PUDP: variants seen among roughly 807,000 people sequenced by gnomAD.
PUDP encodes the protein pseudouridine 5'-phosphatase, also known as pseudouridine-5'-phosphatase.
PUDP carries 8 observed loss-of-function variants against 9.4 expected under a neutral mutation model. That is an observed-to-expected ratio of 0.85 (90% CI 0.50 to 1.53). PUDP has a LOEUF of 1.53. PUDP is among the 40% of genes most tolerant of loss of function. The pLI is 0.00. For missense variants in PUDP, 188 were observed against 189.7 expected (o/e 0.99, Z 0.05); for synonymous variants, 99 against 80.7 (o/e 1.23, Z -1.22).
At chrX:7,145,803 A>G (rs1602849915) in intron 1 of PUDP, among the ~76,000 whole-genome samples, 1 of 111,748 alleles carries the variant, frequency 8.9e-6, no homozygotes, top group East Asian at 2.8e-4. Context: ...CAAGTATGCA[A>G]GTATTGGGGC....
intron 1 of PUDP, among the ~76,000 whole-genome samples, chrX:7,028,614 C>A (rs1289130349): frequency 9.0e-6 from 1 of 111,434 alleles, no homozygotes; most frequent in East Asian, 2.8e-4. Context: ...GCAACAGAGG[C>A]ATTAATGCAG....
rs1925310642 is a variant in PUDP, at chrX:6,768,281, C to T, written c.*248-61815G>A. 2.7e-5 allele frequency among the ~76,000 whole-genome samples: 3 copies of T among 111,359 alleles called. No individual in the cohort carries two copies. In the Admixed American group the frequency reaches 2.9e-4, roughly 11 times the overall value. ...ATGCTGCTGAATATCCTACAGTGCACGAGACAGCCCTAGACAACAAGGATT... is the reference window on the plus strand; with the variant it reads ...ATGCTGCTGAATATCCTACAGTGCATGAGACAGCCCTAGACAACAAGGATT... On this transcript the variant is annotated intron_variant and NMD_transcript_variant, in intron 3 of 3. Transcript: ENST00000655425.
intron 3 of PUDP, among the ~76,000 whole-genome samples, chrX:6,770,257 C>T (rs1328838162): frequency 8.9e-6 from 1 of 112,649 alleles, no homozygotes; most frequent in Non-Finnish European, 1.9e-5. Context: ...CATTCATTTG[C>T]ATGCCTGTCT....
chrX:6,888,712 C>T (rs776174301), intron 3 of PUDP, among the ~76,000 whole-genome samples: 6 of 111,420 alleles, frequency 5.4e-5, no homozygotes, highest in Admixed American at 9.6e-5. Flanking sequence ...ATAGAATCCA[C>T]GAGAAGAGGT....
At chrX:6,821,573 A>G (rs1041977004) in intron 3 of PUDP, among the ~76,000 whole-genome samples, 3 of 111,752 alleles carry the variant, frequency 2.7e-5, no homozygotes, top group African/African-American at 9.8e-5. Context: ...ACCTTCCCCA[A>G]AGCAGGCCCT....
chrX:7,054,526 GA>G (rs2146840250), intron 3 of PUDP, among the ~76,000 whole-genome samples: 1 of 112,485 alleles, frequency 8.9e-6, no homozygotes, highest in African/African-American at 3.2e-5. Flanking sequence ...TGATTGAGGG[GA>G]AACCTAGGAA....
At chrX:6,933,503 AC>A (rs1928240231) in intron 3 of PUDP, among the ~76,000 whole-genome samples, 1 of 109,907 alleles carries the variant, frequency 9.1e-6, no homozygotes, top group Admixed American at 9.8e-5. Context: ...ATCATCAAAG[AC>A]CAAAAGTAGA....
In PUDP at chrX:6,860,110, T is replaced by C. The variant is rs190615999; in HGVS notation, c.*247+117023A>G. Among the ~76,000 whole-genome samples the C allele has an allele frequency of 3.6e-5, 4 of 111,605 alleles. No individual in the cohort carries two copies. In the East Asian group the frequency reaches 1.1e-3, roughly 32 times the overall value. On this transcript the variant is annotated intron_variant and NMD_transcript_variant, in intron 3 of 3. Transcript: ENST00000655425. ...GTCAGAGAGTGGTTGAGCCAGGCTT[T>C]GGACCCATGTAGCTCAGTTTCAAGC...
In PUDP at chrX:7,009,519, T is replaced by C. The variant is rs756787631; in HGVS notation, c.205-31176A>G. On this transcript the variant is annotated intron_variant and NMD_transcript_variant, in intron 1 of 3. Transcript: ENST00000655425. ...CGGCCATACAGAAAGAATGGAAAGA[T>C]TGCATAAAACAGATTCTGAGGAATA... is the stretch of plus-strand genomic sequence containing the variant. Among the ~76,000 whole-genome samples the C allele has an allele frequency of 6.2e-5, 7 of 112,196 alleles. No individual in the cohort carries two copies. The South Asian group carries it at 2.6e-3, about 41-fold the overall frequency.
intron 3 of PUDP, among the ~76,000 whole-genome samples, chrX:6,877,011 C>A (rs1240344722): frequency 1.8e-5 from 2 of 108,850 alleles, no homozygotes; most frequent in African/African-American, 6.8e-5. Context: ...ACTCTGTGGT[C>A]CAGGATGGAG....
intron 3 of PUDP, among the ~76,000 whole-genome samples, chrX:6,868,855 G>T (rs181194308): frequency 8.9e-6 from 1 of 112,009 alleles, no homozygotes; most frequent in East Asian, 2.8e-4. Context: ...ATTATGGGGT[G>T]AGCATCTCAG....
At chrX:6,720,258 G>GTGTGTATATATA (rs1555907522) in intron 1 of PUDP, among the ~76,000 whole-genome samples, 37 of 48,793 alleles carry the variant, frequency 7.6e-4, no homozygotes, top group African/African-American at 2.8e-3. Context: ...GTGTGTGTGT[G>GTGTGTATATATA]TATATATATA....
chrX:6,720,061 A>G (rs7883674), intron 1 of PUDP, among the ~76,000 whole-genome samples: 52,994 of 105,882 alleles, frequency 0.5, 10,641 homozygotes, highest in African/African-American at 0.7. Context: ...ACCAACCTAA[A>G]CATCCACCAA....
intron 3 of PUDP, among the ~76,000 whole-genome samples, chrX:6,867,538 C>T (rs56054305): frequency 0.094 from 10,118 of 107,662 alleles, 599 homozygotes; most frequent in East Asian, 0.46. Context: ...ATGGTGATGA[C>T]GTTGATGATG....
At chrX:7,101,251 A>G (rs1314570722) in intron 2 of PUDP, among the ~76,000 whole-genome samples, 6 of 111,912 alleles carry the variant, frequency 5.4e-5, no homozygotes, top group East Asian at 5.6e-4. Flanking sequence ...ACACACGCGC[A>G]CACACAAATC....
intron 3 of PUDP, among the ~76,000 whole-genome samples, chrX:6,788,223 T>C (rs1925679697): frequency 8.9e-6 from 1 of 112,181 alleles, no homozygotes; most frequent in Admixed American, 9.5e-5. Context: ...TTACATAAAA[T>C]AGTCAACACT....
intron 1 of PUDP, among the ~76,000 whole-genome samples, chrX:7,127,127 T>G (rs1339258187): frequency 3.6e-5 from 4 of 111,808 alleles, no homozygotes; most frequent in Non-Finnish European, 5.6e-5. Context: ...GCTTGGTAAC[T>G]GCAGGCACAG....
chrX:7,044,472 C>G (rs1381572456), downstream of PUDP, among the ~76,000 whole-genome samples: 3 of 112,544 alleles, frequency 2.7e-5, no homozygotes, highest in Non-Finnish European at 5.6e-5. Flanking sequence ...GTATTTCTTT[C>G]CCAATGGTTG....
At chrX:6,750,111 A>G (rs151097640) in intron 3 of PUDP, among the ~76,000 whole-genome samples, 3 of 112,210 alleles carry the variant, frequency 2.7e-5, no homozygotes, top group Non-Finnish European at 5.6e-5. Flanking sequence ...TTAAGAGATG[A>G]CACAGTCAAG....
Sources: gnomAD v4.1 joint callset for allele counts (sites outside exome capture counted in the v4.1 genomes callset) on GRCh38, gnomAD v4.1.1 for gene constraint, MANE v1.5 for transcripts, NCBI Gene and HGNC (gene_info 2026-07-23, HGNC 2026-07-21) for gene names.